MTUS2: variants seen among roughly 807,000 people sequenced by gnomAD.
MTUS2 encodes microtubule associated scaffold protein 2.
In MTUS2, 40 loss-of-function variants were observed where a neutral mutation model predicts 114.1. The observed-to-expected ratio is 0.35, with a 90% CI of 0.27 to 0.46. MTUS2 has a LOEUF of 0.46. MTUS2 is among the 20% of genes least tolerant of loss of function. The pLI is 1.00. For missense variants in MTUS2, 1,679 were observed against 1,705.4 expected, an observed-to-expected ratio of 0.98 and a Z score of 0.27; for synonymous variants, 688 against 672.0, an observed-to-expected ratio of 1.02 and a Z score of -0.37.
chr13:29,270,063 TG>T (rs1476709422), intron 5 of MTUS2, among the ~76,000 whole-genome samples: 1 of 151,372 alleles, frequency 6.6e-6, no homozygotes, highest in African/African-American at 2.4e-5. Context: ...GAAGGGGAGG[TG>T]GGGGTGCTGC....
At chr13:28,856,863 G>C (rs766873593) in intron 2 of MTUS2, among the ~76,000 whole-genome samples, 2 of 152,136 alleles carry the variant, frequency 1.3e-5, no homozygotes, top group Non-Finnish European at 2.9e-5. Context: ...CAGTATATCC[G>C]TACAACCTCT....
chr13:29,200,621 A>G (rs1210040553), intron 5 of MTUS2, among the ~76,000 whole-genome samples: 1 of 144,234 alleles, frequency 6.9e-6, no homozygotes, highest in Non-Finnish European at 1.5e-5. Flanking sequence ...CCTGGGTTCA[A>G]GCGATTCTTC....
chr13:29,449,206 G>C (rs571931705), intron 9 of MTUS2, among the ~76,000 whole-genome samples: 1 of 152,274 alleles, frequency 6.6e-6, no homozygotes, highest in South Asian at 2.1e-4. Flanking sequence ...AAAAAATTTT[G>C]AGAGCTTGAT....
intron 5 of MTUS2, among the ~76,000 whole-genome samples, chr13:29,130,053 G>A (rs182149073): frequency 2.2e-4 from 33 of 152,274 alleles, no homozygotes; most frequent in Non-Finnish European, 3.4e-4. Flanking sequence ...CTTTGAAAGA[G>A]CAAGGTTAGG....
chr13:29,136,443 T>G (rs1276102429), intron 5 of MTUS2, among the ~76,000 whole-genome samples: 3 of 152,152 alleles, frequency 2.0e-5, no homozygotes, highest in African/African-American at 7.2e-5. Context: ...TGGTGTCTGG[T>G]CACCCGAATG....
intron 5 of MTUS2, among the ~76,000 whole-genome samples, chr13:29,279,789 A>C (rs1451127325): frequency 6.6e-6 from 1 of 152,214 alleles, no homozygotes; most frequent in African/African-American, 2.4e-5. Context: ...CTCTAAATTG[A>C]CGTGTTCACA....
intron 4 of MTUS2, among the ~76,000 whole-genome samples, chr13:29,088,460 G>T (rs1889796228): frequency 6.6e-6 from 1 of 152,182 alleles, no homozygotes; most frequent in African/African-American, 2.4e-5. Context: ...TTACATTGTT[G>T]TGTGGAGTGC....
chr13:29,484,390 T>C (rs73154413), intron 10 of MTUS2, among the ~76,000 whole-genome samples: 4,049 of 152,294 alleles, frequency 0.027, 124 homozygotes, highest in African/African-American at 0.069. Context: ...TGGGGGCCCT[T>C]GTCTCTCAGC....
chr13:29,231,271 T>C (rs556799829), intron 5 of MTUS2, among the ~76,000 whole-genome samples: 27 of 152,352 alleles, frequency 1.8e-4, no homozygotes, highest in African/African-American at 6.5e-4. Context: ...AGGAAAATTT[T>C]AGATATTCTT....
intron 7 of MTUS2, among the ~76,000 whole-genome samples, chr13:29,342,714 A>C (rs1277700902): frequency 6.6e-6 from 1 of 152,066 alleles, no homozygotes; most frequent in African/African-American, 2.4e-5. Flanking sequence ...AAGTGGTGAA[A>C]GTGGGCATCC....
chr13:29,047,056 G>A (rs1593418774), intron 4 of MTUS2, among the ~76,000 whole-genome samples: 1 of 152,196 alleles, frequency 6.6e-6, no homozygotes, highest in African/African-American at 2.4e-5. Context: ...GGCCAAGGAG[G>A]CACCCCTCTG....
At chr13:29,427,290 GTTTGC>G (rs1876615100) in intron 8 of MTUS2, among the ~76,000 whole-genome samples, 1 of 151,376 alleles carries the variant, frequency 6.6e-6, no homozygotes, top group Non-Finnish European at 1.5e-5. Flanking sequence ...AAATGTGTAT[GTTTGC>G]TTTGTTTTTT....
chr13:29,204,815 C>T (rs1895114894), intron 5 of MTUS2, among the ~76,000 whole-genome samples: 1 of 152,242 alleles, frequency 6.6e-6, no homozygotes, highest in African/African-American at 2.4e-5. Flanking sequence ...GGCCTCAGAA[C>T]ACTAAAAGCG....
chr13:29,191,131 G>A (rs1268892718), intron 5 of MTUS2, among the ~76,000 whole-genome samples: 1 of 152,030 alleles, frequency 6.6e-6, no homozygotes, highest in Non-Finnish European at 1.5e-5. Flanking sequence ...TAACGCTTCA[G>A]CTTGCCCAAG....
chr13:28,852,613 C>T (rs1447139725), intron 2 of MTUS2, among the ~76,000 whole-genome samples: 1 of 152,064 alleles, frequency 6.6e-6, no homozygotes, highest in Non-Finnish European at 1.5e-5. Context: ...GCCCATAATC[C>T]CAGCACTTTG....
intron 5 of MTUS2, among the ~76,000 whole-genome samples, chr13:29,135,847 T>C (rs1891956092): frequency 6.6e-6 from 1 of 152,218 alleles, no homozygotes; most frequent in African/African-American, 2.4e-5. Context: ...CTGTTGTTGA[T>C]GTTACAAAAT....
intron 2 of MTUS2, among the ~76,000 whole-genome samples, chr13:28,962,488 A>G (rs1883376559): frequency 6.6e-6 from 1 of 152,148 alleles, no homozygotes; most frequent in Non-Finnish European, 1.5e-5. Context: ...TTTGTTTTAT[A>G]TATCCTCTAG....
rs1566172446 is a variant in MTUS2, at chr13:29,389,341, G to GTATA, written c.3117+29868_3117+29869insTATA. On this transcript the variant is annotated intron_variant, in intron 8 of 15. Coordinates refer to ENST00000612955, the MANE Select transcript of MTUS2 (RefSeq NM_001033602.4). ...TACACATATGTGTGTATATATGTAT[G>GTATA]CACGTGTGTGTATATATGTATGCAC... 1.0e-3 allele frequency among the ~76,000 whole-genome samples: 83 copies of GTATA among 79,946 alleles called. 1 individual carries two copies. Among genetic ancestry groups the GTATA allele is most frequent in the Middle Eastern group, 0.01 (1 of 96 alleles). The allele number at this position is 79,946 out of a possible 152,430, so 52.4% of individuals were successfully genotyped here.
At chr13:29,233,686 G>C (rs1308215152) in intron 5 of MTUS2, among the ~76,000 whole-genome samples, 4 of 152,162 alleles carry the variant, frequency 2.6e-5, no homozygotes, top group African/African-American at 9.7e-5. Context: ...TTCTGTCTAA[G>C]AAGTTGCTAT....
Sources: gnomAD v4.1 joint callset for allele counts (sites outside exome capture counted in the v4.1 genomes callset) on GRCh38, gnomAD v4.1.1 for gene constraint, MANE v1.5 for transcripts, NCBI Gene and HGNC (gene_info 2026-07-23, HGNC 2026-07-21) for gene names.